The following TRDN variants were observed in gnomAD, a reference collection of about 807,000 sequenced individuals.
The protein encoded by TRDN is triadin in skeletal muscle.
TRDN carries 161 observed loss-of-function variants against 149.7 expected under a neutral mutation model. The observed-to-expected ratio is 1.08, with a 90% CI of 0.95 to 1.23. The LOEUF is 1.23. Ranked by LOEUF, TRDN falls within the 50% of genes most tolerant of loss-of-function variation. The pLI is 0.00. For synonymous variants in TRDN, 294 were observed against 250.5 expected (o/e 1.17, Z -1.64); for missense variants, 896 against 823.5 (o/e 1.09, Z -1.08).
At chr6:123,574,857 C>CATATATATATATATATATATATAT (rs1162190609) in intron 1 of TRDN, among the ~76,000 whole-genome samples, 2 of 50,570 alleles carry the variant, frequency 4.0e-5, no homozygotes, top group African/African-American at 8.1e-5. Flanking sequence ...TTTATATATA[C>CATATATATATATATATATATATAT]ATATATATAT....
chr6:123,357,234 A>C (rs1780717797), intron 20 of TRDN, among the ~76,000 whole-genome samples: 1 of 152,020 alleles, frequency 6.6e-6, no homozygotes, highest in Non-Finnish European at 1.5e-5. Context: ...ATAGTAATTA[A>C]TTAATATAGA....
chr6:123,570,065 A>T (rs1435605788), intron 2 of TRDN, among the ~76,000 whole-genome samples: 1 of 152,320 alleles, frequency 6.6e-6, no homozygotes, highest in South Asian at 2.1e-4. Flanking sequence ...AATGAGAAAT[A>T]GGAGAACCCT....
At chr6:123,270,245 GAA>G (rs1777161491) in intron 30 of TRDN, among the ~76,000 whole-genome samples, 1 of 151,998 alleles carries the variant, frequency 6.6e-6, no homozygotes, top group Non-Finnish European at 1.5e-5. Flanking sequence ...GTGGTCGGAA[GAA>G]AGTATAATGG....
chr6:123,327,094 C>T (rs568471058), intron 23 of TRDN, among the ~76,000 whole-genome samples: 180 of 151,956 alleles, frequency 1.2e-3, no homozygotes, highest in Non-Finnish European at 2.1e-3. Flanking sequence ...AATATGAGAG[C>T]GGAATTTAAA....
chr6:123,370,576 A>T lies in TRDN; in HGVS notation c.1274-4394T>A, dbSNP rs544764606. Among the ~76,000 whole-genome samples the T allele has an allele frequency of 1.8e-4, 27 of 152,260 alleles. No homozygotes were observed. The South Asian group carries it at 1.9e-3, about 11-fold the overall frequency. On this transcript the variant is annotated intron_variant, in intron 19 of 40. Transcript: ENST00000334268. Reference sequence around the variant, plus strand: ...CCTGCACATGTGTCTCCTTTTGCACATGTGCAATAATTTTCATAGAAGTGA... The same window carrying T: ...CCTGCACATGTGTCTCCTTTTGCACTTGTGCAATAATTTTCATAGAAGTGA...
In TRDN at chr6:123,252,403, C is replaced by A. The variant is rs111276785; in HGVS notation, c.1975+9G>T. ...AAGAGAACTTGTCATTAATACAAAC[C>A]GTACTTACTTGATACTCTTGCAGGT... is the stretch of plus-strand genomic sequence containing the variant. On this transcript the variant is annotated intron_variant, in intron 38 of 40. Transcript: ENST00000334268. 1.5e-5 allele frequency: 23 copies of A among 1,496,102 alleles called. No individual in the cohort carries two copies. Among genetic ancestry groups the A allele is most frequent in the Non-Finnish European group, 1.9e-5 (21 of 1,097,624 alleles). The allele number at this position is 1,496,102 out of a possible 1,614,324, so 92.7% of individuals were successfully genotyped here.
At position 123,381,239 on chromosome 6, in the gene TRDN, A is replaced by T. The variant is rs192129842; in HGVS notation, c.1186+131T>A. 262 of 827,796 alleles carry T rather than the reference A, an allele frequency of 3.2e-4. 3 individuals carry two copies. In the East Asian group the frequency reaches 7.1e-3, roughly 22 times the overall value. 51.3% of individuals were successfully genotyped at this position (827,796 alleles called of 1,614,324 possible). ...AGACTGTGTATTTTTTCACTTGGAC[A>T]AAAAACAACAGAGTTCACATGCATA... On this transcript the variant is annotated intron_variant, in intron 16 of 40. Transcript: ENST00000334268.
At chr6:123,277,354 A>G (rs1013099329) in intron 26 of TRDN, among the ~76,000 whole-genome samples, 9 of 152,128 alleles carry the variant, frequency 5.9e-5, no homozygotes, top group African/African-American at 1.9e-4. Flanking sequence ...TGGAGGACAT[A>G]AATTTTGGGC....
intron 1 of TRDN, among the ~76,000 whole-genome samples, chr6:123,609,908 G>T (rs1301164925): frequency 6.6e-6 from 1 of 152,102 alleles, no homozygotes; most frequent in Non-Finnish European, 1.5e-5. Context: ...GAGGCACTCG[G>T]TATATGATTG....
At chr6:123,611,766 TAGTC>T (rs1304240752) in intron 1 of TRDN, among the ~76,000 whole-genome samples, 1 of 152,148 alleles carries the variant, frequency 6.6e-6, no homozygotes, top group Non-Finnish European at 1.5e-5. Flanking sequence ...AGCTGATATT[TAGTC>T]AGTAAGCACA....
At position 123,337,962 on chromosome 6, in the gene TRDN, C is replaced by T. The variant is rs543461826; in HGVS notation, c.1370-293G>A. Among the ~76,000 whole-genome samples the T allele has an allele frequency of 4.6e-5, 7 of 152,222 alleles. No individual in the cohort carries two copies. The East Asian group carries it at 7.7e-4, about 17-fold the overall frequency. On this transcript the variant is annotated intron_variant, in intron 21 of 40. Coordinates refer to ENST00000334268, the MANE Select transcript of TRDN (RefSeq NM_006073.4). ...AAGAAGAAAGATATAAGAATGATAG[C>T]TAACATTGTCTACTTACTACGTGTC...
chr6:123,432,398 C>T (rs933454277), intron 12 of TRDN, among the ~76,000 whole-genome samples: 3 of 151,042 alleles, frequency 2.0e-5, no homozygotes, highest in Non-Finnish European at 1.5e-5. Flanking sequence ...AAAACATCAA[C>T]TTTTTAAATA....
chr6:123,224,260 C>G (rs1775272327), intron 38 of TRDN, 129 bp from the exon 39 acceptor site: 1 of 821,744 alleles, frequency 1.2e-6, no homozygotes, highest in Admixed American at 2.5e-5. Flanking sequence ...CTACAGTCTC[C>G]ATAAATAAGA....
intron 1 of TRDN, among the ~76,000 whole-genome samples, chr6:123,619,890 A>G (rs1462000574): frequency 6.6e-6 from 1 of 152,080 alleles, no homozygotes; most frequent in Non-Finnish European, 1.5e-5. Context: ...AGGTCCAGAG[A>G]AATAGCTGAT....
rs149602645 is a variant in TRDN, at chr6:123,564,433, T to G, written c.232+6490A>C. Among the ~76,000 whole-genome samples, 152 of 152,308 alleles carry G rather than the reference T, an allele frequency of 1.0e-3. 1 individual carries two copies. The highest frequency in any genetic ancestry group is 7.5e-3 in the East Asian group (39 of 5,184). On this transcript the variant is annotated intron_variant, in intron 2 of 40. Transcript: ENST00000334268. The stretch of plus-strand genomic sequence containing the variant: ...GTGTGTATATGAGTGTAAAATTAAA[T>G]GTTAAATTTGTACTTTCTGACTGAC...
At chr6:123,306,286 C>T (rs1778608755) in intron 24 of TRDN, among the ~76,000 whole-genome samples, 1 of 152,096 alleles carries the variant, frequency 6.6e-6, no homozygotes, top group Non-Finnish European at 1.5e-5. Context: ...CTGATGACCC[C>T]AAACATTTCC....
At chr6:123,468,542 T>A (rs1031713603) in intron 9 of TRDN, among the ~76,000 whole-genome samples, 11 of 152,188 alleles carry the variant, frequency 7.2e-5, no homozygotes. Flanking sequence ...TTCATTCTAA[T>A]GATCTAAGTT....
chr6:123,535,261 A>G (rs527310268), intron 4 of TRDN, among the ~76,000 whole-genome samples: 1 of 152,324 alleles, frequency 6.6e-6, no homozygotes, highest in African/African-American at 2.4e-5. Flanking sequence ...TTTGCCTAAT[A>G]AGAAAGAATT....
intron 1 of TRDN, among the ~76,000 whole-genome samples, chr6:123,583,695 G>A (rs1783257538): frequency 3.3e-5 from 5 of 152,146 alleles, no homozygotes. Flanking sequence ...AAATGACTGT[G>A]GTGGCCTTCT....
Sources: allele counts gnomAD v4.1 joint callset (sites outside exome capture counted in the v4.1 genomes callset), GRCh38; gene constraint gnomAD v4.1.1; transcripts MANE v1.5; gene names NCBI Gene and HGNC (gene_info 2026-07-23, HGNC 2026-07-21).